Variants in CIB4 observed in about 807,000 individuals in gnomAD.
CIB4 encodes calcium and integrin-binding family member 4.
A neutral mutation model predicts 25.8 loss-of-function variants in CIB4; 25 were observed. The ratio of observed to expected loss-of-function variants is 0.97; its 90% CI spans 0.71 to 1.35. The LOEUF (loss-of-function observed/expected upper bound fraction) is 1.35, where lower values mean the gene tolerates loss of function less well. Ranked by LOEUF, CIB4 falls within the 40% of genes most tolerant of loss-of-function variation. The pLI, the probability that CIB4 is intolerant of heterozygous loss-of-function variation, is 0.00. For missense variants in CIB4, 235 were observed against 228.2 expected (o/e 1.03, Z -0.19); for synonymous variants, 75 against 81.4 (o/e 0.92, Z 0.42).
chr2:26,596,510 G>A (rs945073960), intron 3 of CIB4, among the ~76,000 whole-genome samples: 3 of 152,128 alleles, frequency 2.0e-5, no homozygotes, highest in Admixed American at 6.5e-5. Flanking sequence ...TTGGGTGGCC[G>A]AGGCAGGTGG....
intron 2 of CIB4, among the ~76,000 whole-genome samples, chr2:26,637,579 A>G (rs1669557617): frequency 6.6e-6 from 1 of 152,138 alleles, no homozygotes; most frequent in Non-Finnish European, 1.5e-5. Context: ...TATATCAAAC[A>G]GAAAGCTCTT....
intron 3 of CIB4, among the ~76,000 whole-genome samples, chr2:26,606,493 C>G (rs995145398): frequency 1.4e-4 from 22 of 152,160 alleles, no homozygotes; most frequent in African/African-American, 5.3e-4. Flanking sequence ...GGACTCCCCC[C>G]TCCTCCCGCG....
chr2:26,640,636 G>T, intron 1 of CIB4, 69 bp from the exon 2 acceptor site: 1 of 1,485,206 alleles, frequency 6.7e-7, no homozygotes, highest in Non-Finnish European at 9.2e-7. Context: ...GGGGAGTGGC[G>T]CAATTCAGAG....
chr2:26,602,466 AG>A (rs1668811031), intron 3 of CIB4, among the ~76,000 whole-genome samples: 1 of 152,224 alleles, frequency 6.6e-6, no homozygotes, highest in African/African-American at 2.4e-5. Context: ...ACAAGTTATA[AG>A]TAAGATAAAA....
rs757037289 is a variant in CIB4, at chr2:26,583,912, G to A, written c.329-14C>T. ...TCTCATTAAAATCTGCAAAGAAGAGGCCAGGCCTGCATTAGACGGAGCTGG... is the reference window on the plus strand; with the variant it reads ...TCTCATTAAAATCTGCAAAGAAGAGACCAGGCCTGCATTAGACGGAGCTGG... On this transcript the variant is annotated splice_polypyrimidine_tract_variant and intron_variant, in intron 4 of 6. Coordinates refer to ENST00000288861, the MANE Select transcript of CIB4 (RefSeq NM_001029881.3). 3.3e-6 allele frequency: 5 copies of A among 1,534,214 alleles called. No individual in the cohort carries two copies. The highest frequency in any genetic ancestry group is 1.1e-5 in the South Asian group (1 of 89,432).
intron 2 of CIB4, among the ~76,000 whole-genome samples, chr2:26,635,214 T>C (rs1220898151): frequency 1.3e-5 from 2 of 152,062 alleles, no homozygotes; most frequent in African/African-American, 2.4e-5. Context: ...AAACTTAGAG[T>C]GAACAGACCT....
chr2:26,626,698 G>A (rs187199063), intron 3 of CIB4, among the ~76,000 whole-genome samples: 11 of 152,232 alleles, frequency 7.2e-5, no homozygotes, highest in East Asian at 3.9e-4. Flanking sequence ...CAAGTTCGGG[G>A]GGAAGAGGGG....
intron 3 of CIB4, among the ~76,000 whole-genome samples, chr2:26,629,112 G>C (rs533173019): frequency 6.6e-6 from 1 of 152,336 alleles, no homozygotes; most frequent in Admixed American, 6.5e-5. Flanking sequence ...CCCACGGTAA[G>C]GCCTGGAGCA....
At chr2:26,629,579 C>T in intron 2 of CIB4, 73 bp from the exon 3 acceptor site, 1 of 1,024,114 alleles carries the variant, frequency 9.8e-7, no homozygotes, top group Non-Finnish European at 1.5e-6. Context: ...GAAAGGAGGC[C>T]AGCAAGCCTG....
chr2:26,583,212 C>T lies in CIB4; in HGVS notation c.439-299G>A, dbSNP rs575308520. On this transcript the variant is annotated intron_variant, in intron 5 of 6. Transcript: ENST00000288861. ...CACAGGGGCTCTGCACTGAAGGGGG[C>T]CCAGGCAGGCAGGGAGGCGGTGGTG... Among the ~76,000 whole-genome samples the T allele has an allele frequency of 6.2e-4, 94 of 152,294 alleles. 1 individual carries two copies. Among genetic ancestry groups the T allele is most frequent in the Admixed American group, 4.5e-3 (69 of 15,300 alleles).
At chr2:26,640,480 C>T (rs1173629012) in intron 2 of CIB4, 53 bp downstream of exon 2, 2 of 1,589,830 alleles carry the variant, frequency 1.3e-6, no homozygotes, top group Non-Finnish European at 1.7e-6. Context: ...GGCAAGAATC[C>T]AGCTCAGAGG....
intron 4 of CIB4, among the ~76,000 whole-genome samples, chr2:26,592,300 C>T (rs1175292023): frequency 2.0e-5 from 3 of 152,186 alleles, no homozygotes; most frequent in Non-Finnish European, 4.4e-5. Context: ...GGAGGCCTGG[C>T]CGAGAGGAGC....
At chr2:26,605,352 G>A (rs543843769) in intron 3 of CIB4, 242 of 273,596 alleles carry the variant, frequency 8.8e-4, no homozygotes, top group Non-Finnish European at 1.6e-3. Context: ...GTCAGTCACC[G>A]GGGGAAAGTG....
intron 3 of CIB4, among the ~76,000 whole-genome samples, chr2:26,619,539 C>G (rs192444822): frequency 6.6e-6 from 1 of 152,290 alleles, no homozygotes; most frequent in Non-Finnish European, 1.5e-5. Flanking sequence ...TTGCATCAAA[C>G]CTCACTCCCT....
chr2:26,583,179 C>T (rs113965911), intron 5 of CIB4, among the ~76,000 whole-genome samples: 1 of 152,214 alleles, frequency 6.6e-6, no homozygotes, highest in Non-Finnish European at 1.5e-5. Flanking sequence ...GCCCCACCAA[C>T]CAGTACACAC....
intron 3 of CIB4, among the ~76,000 whole-genome samples, chr2:26,625,438 T>C (rs1325784514): frequency 1.3e-5 from 2 of 150,272 alleles, no homozygotes; most frequent in Admixed American, 1.3e-4. Flanking sequence ...CCACAACCTC[T>C]GCCTTCTGGG....
intron 3 of CIB4, among the ~76,000 whole-genome samples, chr2:26,610,212 A>G (rs1178915541): frequency 6.6e-6 from 1 of 151,052 alleles, no homozygotes; most frequent in East Asian, 1.9e-4. Context: ...TTCCCTGTGA[A>G]CTCTGCAGGC....
intron 4 of CIB4, among the ~76,000 whole-genome samples, chr2:26,586,001 G>A (rs547708795): frequency 8.0e-4 from 122 of 152,130 alleles, no homozygotes; most frequent in Non-Finnish European, 1.4e-3. Context: ...CCCCACAGGC[G>A]ATGGGTTGGC....
At chr2:26,609,371 C>T (rs1025961143) in intron 3 of CIB4, among the ~76,000 whole-genome samples, 4 of 152,150 alleles carry the variant, frequency 2.6e-5, no homozygotes, top group Admixed American at 6.6e-5. Flanking sequence ...ACAGAGACCA[C>T]CTCCCTCCTC....
Sources: allele counts gnomAD v4.1 joint callset (sites outside exome capture counted in the v4.1 genomes callset), GRCh38; gene constraint gnomAD v4.1.1; transcripts MANE v1.5; gene names NCBI Gene and HGNC (gene_info 2026-07-23, HGNC 2026-07-21).